Variants in ADGRV1 observed in about 807,000 individuals in gnomAD.
The protein encoded by ADGRV1 is adhesion G protein-coupled receptor V1.
Under a neutral mutation model 596.2 loss-of-function variants are expected in ADGRV1, and 359 were observed. That is an observed-to-expected ratio of 0.60 (90% CI 0.55 to 0.66). ADGRV1 has a LOEUF of 0.66. Among genes scored for constraint, ADGRV1 ranks in the 30% least tolerant of loss-of-function variants. The pLI is 0.00. For missense variants in ADGRV1, 7,274 were observed against 7,575.6 expected (o/e 0.96, Z 1.48); for synonymous variants, 2,681 against 2,679.2 (o/e 1.00, Z -0.02).
intron 4 of ADGRV1, among the ~76,000 whole-genome samples, chr5:90,621,405 A>G (rs981792059): frequency 2.0e-5 from 3 of 152,332 alleles, no homozygotes; most frequent in Non-Finnish European, 4.4e-5. Context: ...GAAATTCGGT[A>G]ACCTCCATTA....
chr5:90,589,386 C>T (rs940569618), intron 1 of ADGRV1, among the ~76,000 whole-genome samples: 2 of 152,030 alleles, frequency 1.3e-5, no homozygotes, highest in African/African-American at 4.8e-5. Context: ...GTTTTAGGTA[C>T]AAAGGATTTC....
intron 83 of ADGRV1, among the ~76,000 whole-genome samples, chr5:90,908,130 C>T (rs1323566300): frequency 6.6e-6 from 1 of 152,124 alleles, no homozygotes; most frequent in African/African-American, 2.4e-5. Flanking sequence ...AGATTAAAGG[C>T]GTGAGCCACC....
At chr5:91,032,925 C>T (rs181659690) in intron 85 of ADGRV1, among the ~76,000 whole-genome samples, 2 of 152,252 alleles carry the variant, frequency 1.3e-5, no homozygotes, top group African/African-American at 4.8e-5. Flanking sequence ...CATTTCCTGG[C>T]CATTTACTTC....
chr5:90,707,695 A>T (rs1242713473), intron 38 of ADGRV1, among the ~76,000 whole-genome samples: 3 of 152,198 alleles, frequency 2.0e-5, no homozygotes, highest in African/African-American at 7.2e-5. Flanking sequence ...TTCCTTAGAT[A>T]TGTTAGTTTT....
intron 23 of ADGRV1, 72 bp from the exon 24 acceptor site, chr5:90,675,171 A>G (rs1284429975): frequency 1.5e-6 from 2 of 1,303,516 alleles, no homozygotes; most frequent in Non-Finnish European, 2.1e-6. Context: ...ATTGTGTAAG[A>G]TCGCTTTAAT....
chr5:90,638,611 T>C (rs4916680), intron 11 of ADGRV1, among the ~76,000 whole-genome samples: 27,460 of 151,808 alleles, frequency 0.18, 2,673 homozygotes, highest in East Asian at 0.4. Context: ...TTAATAATTC[T>C]AAAAAATCAG....
chr5:90,969,541 C>T (rs1447431175), intron 84 of ADGRV1, among the ~76,000 whole-genome samples: 1 of 152,160 alleles, frequency 6.6e-6, no homozygotes, highest in Non-Finnish European at 1.5e-5. Context: ...TTTCTTCAGG[C>T]TTCCCTTTTC....
chr5:90,904,713 T>C (rs532019462), intron 83 of ADGRV1, among the ~76,000 whole-genome samples: 10 of 152,232 alleles, frequency 6.6e-5, no homozygotes, highest in African/African-American at 2.2e-4. Context: ...ATTGTTTCCC[T>C]TGCTGTGCAG....
intron 29 of ADGRV1, 83 bp downstream of exon 29, chr5:90,686,078 C>A: frequency 1.3e-6 from 1 of 749,300 alleles, no homozygotes; most frequent in Non-Finnish European, 1.8e-6. Context: ...CACAGCCTCT[C>A]AAAGTTGCAA....
chr5:90,640,922 A>G (rs1167740868), intron 11 of ADGRV1: 1 of 152,500 alleles, frequency 6.6e-6, no homozygotes, highest in East Asian at 1.9e-4. Context: ...TTGTTTTGCA[A>G]GTGATTGTTT....
chr5:90,851,320 G>T (rs1212816874), intron 79 of ADGRV1, among the ~76,000 whole-genome samples: 1 of 151,736 alleles, frequency 6.6e-6, no homozygotes, highest in Non-Finnish European at 1.5e-5. Context: ...GACATGGGAG[G>T]GTGGTACCTT....
Position 91,130,259 on chromosome 5 carries a change from C to CGGT in ADGRV1, c.18433-19768_18433-19766dup, listed in dbSNP as rs1794098855. Among the ~76,000 whole-genome samples the CGGT allele has an allele frequency of 2.0e-5, 3 of 149,002 alleles. No homozygotes were observed. In the South Asian group the frequency reaches 6.4e-4, roughly 32 times the overall value. ...TGAAAAAAAAAAAAGAGGCCAGGCA[C>CGGT]GGTGGCTCATGCCTGTAATCCCAGC... On this transcript the variant is annotated intron_variant, in intron 87 of 89. Coordinates refer to ENST00000405460, the MANE Select transcript of ADGRV1 (RefSeq NM_032119.4).
Position 91,035,862 on chromosome 5 carries a change from T to TAATATATATATATATATAATATATATA in ADGRV1, c.18153-36584_18153-36583insATATATATATATATATAATATATATAA, listed in dbSNP as rs1562121800. Among the ~76,000 whole-genome samples, 3 of 16,500 alleles carry TAATATATATATATATATAATATATATA rather than the reference T, an allele frequency of 1.8e-4. 1 individual carries two copies. Among genetic ancestry groups the TAATATATATATATATATAATATATATA allele is most frequent in the African/African-American group, 2.9e-4 (3 of 10,298 alleles). 10.8% of individuals were successfully genotyped at this position (16,500 alleles called of 152,430 possible). ...TGAGTGTGTATATATATATATATAT[T>TAATATATATATATATATAATATATATA]ATATATATATATATATATATCTTAC... is the stretch of plus-strand genomic sequence containing the variant. On this transcript the variant is annotated intron_variant, in intron 85 of 89. Transcript: ENST00000405460.
intron 25 of ADGRV1, among the ~76,000 whole-genome samples, chr5:90,676,541 C>T (rs543590662): frequency 6.6e-5 from 10 of 152,160 alleles, no homozygotes; most frequent in African/African-American, 2.2e-4. Flanking sequence ...GATATGCTTT[C>T]GCTATGAGGT....
Position 90,658,386 on chromosome 5 carries a change from A to G in ADGRV1, c.4752+108A>G, listed in dbSNP as rs1056635120. 5.0e-6 allele frequency: 5 copies of G among 991,154 alleles called. No homozygotes were observed. In the Admixed American group the frequency reaches 1.5e-4, roughly 29 times the overall value. 61.4% of individuals were successfully genotyped at this position (991,154 alleles called of 1,614,324 possible). A position where few individuals can be genotyped will look rare whatever the true frequency, so the allele number is the denominator to read the frequency against. On this transcript the variant is annotated intron_variant, in intron 21 of 89. Transcript: ENST00000405460. ...TAAGATTGGTTGCGCATCTACTCCA[A>G]GTCCAGAAGTATGCTAGGGCCAGTG... is the stretch of plus-strand genomic sequence containing the variant.
chr5:90,776,450 T>C lies in ADGRV1; in HGVS notation c.12404-3T>C, dbSNP rs1758240715. 3 of 1,609,162 alleles carry C rather than the reference T, an allele frequency of 1.9e-6. No homozygotes were observed. Among genetic ancestry groups the C allele is most frequent in the Admixed American group, 1.7e-5 (1 of 59,288 alleles). On this transcript the variant is annotated splice_polypyrimidine_tract_variant and splice_region_variant and intron_variant, in intron 60 of 89. Transcript: ENST00000405460. ...AAAGTGGTCTATATCATCTTGAATT[T>C]AGGTAGTGCATCAATAATTATTCGG...
At chr5:90,599,623 T>A (rs79169639) in intron 1 of ADGRV1, among the ~76,000 whole-genome samples, 8,820 of 152,276 alleles carry the variant, frequency 0.058, 850 homozygotes, top group African/African-American at 0.2. Flanking sequence ...TCTTTTTTTT[T>A]ATTTATAAAC....
intron 83 of ADGRV1, among the ~76,000 whole-genome samples, chr5:90,878,503 GT>G (rs1467361122): frequency 1.3e-5 from 2 of 152,176 alleles, no homozygotes; most frequent in East Asian, 3.9e-4. Flanking sequence ...TTGTATGTTT[GT>G]GATTCCCGAA....
intron 86 of ADGRV1, among the ~76,000 whole-genome samples, chr5:91,081,063 A>G (rs963311547): frequency 2.0e-5 from 3 of 152,174 alleles, no homozygotes; most frequent in African/African-American, 7.2e-5. Context: ...TCACAGTTCC[A>G]GAGACTGGAA....
Sources: gnomAD v4.1 joint callset for allele counts (sites outside exome capture counted in the v4.1 genomes callset) on GRCh38, gnomAD v4.1.1 for gene constraint, MANE v1.5 for transcripts, NCBI Gene and HGNC (gene_info 2026-07-23, HGNC 2026-07-21) for gene names.